MSH5: variants seen among roughly 807,000 people sequenced by gnomAD.
MSH5 encodes the protein mutS homolog 5.
Under a neutral mutation model 107.7 loss-of-function variants are expected in MSH5, and 78 were observed. That is an observed-to-expected ratio of 0.72 (90% CI 0.60 to 0.87). MSH5 has a LOEUF of 0.87. Ranked by LOEUF, MSH5 falls within the 40% of genes least tolerant of loss-of-function variation. The pLI, the probability that MSH5 is intolerant of heterozygous loss-of-function variation, is 0.00. For synonymous variants in MSH5, 326 were observed against 399.5 expected, an observed-to-expected ratio of 0.82 and a Z score of 2.19; for missense variants, 889 against 1,046.6, an observed-to-expected ratio of 0.85 and a Z score of 2.08.
chr6:31,759,144 C>G lies in MSH5; in HGVS notation c.1374C>G (p.Ala458=), dbSNP rs763331112. Residue 458 remains alanine, a synonymous_variant, in exon 16 of 25, where the codon GCC becomes GCG. Transcript: ENST00000375750. This position sits in a 1 kb window ranked among gnomAD's most constrained non-coding sequence, Gnocchi z 4.7. ...SIPRLPSMVE[A]SDFEINGLDF... is the part of the protein sequence containing the mutation. ...CCCGCCTGCCTTCCATGGTAGAGGCCAGTGACTTTGAGATTAATGGACTGG... is the reference window on the plus strand; with the variant it reads ...CCCGCCTGCCTTCCATGGTAGAGGCGAGTGACTTTGAGATTAATGGACTGG... The G allele has an allele frequency of 6.2e-7, 1 of 1,612,948 alleles. No individual in the cohort carries two copies. Among genetic ancestry groups the G allele is most frequent in the Admixed American group, 1.7e-5 (1 of 60,010 alleles).
chr6:31,753,492 C>G (rs1810157395), intron 11 of MSH5, 53 bp downstream of exon 11: 2 of 1,613,268 alleles, frequency 1.2e-6, no homozygotes, highest in African/African-American at 1.3e-5. Flanking sequence ...AGGGCTGATA[C>G]TGGGCAGTGG....
At position 31,762,507 on chromosome 6, in the gene MSH5, G is replaced by A. The variant is rs1341125092; in HGVS notation, c.2481G>A (p.Leu827=). ...DLNVFMSQEV[L]PAATSIL is the part of the protein sequence containing the mutation. ...ACGTTTTCATGAGCCAGGAAGTGCT[G>A]CCTGCTGCCACCAGCATCCTCTGAG... Residue 827 remains leucine (L), a synonymous_variant, in exon 25 of 25, where the codon CTG becomes CTA. Transcript: ENST00000375750. 3.7e-6 allele frequency: 6 copies of A among 1,613,630 alleles called. No individual in the cohort carries two copies. Among genetic ancestry groups the A allele is most frequent in the South Asian group, 3.3e-5 (3 of 91,070 alleles).
intron 10 of MSH5, among the ~76,000 whole-genome samples, chr6:31,752,423 A>G (rs1472545022): frequency 6.7e-6 from 1 of 150,368 alleles, no homozygotes; most frequent in Non-Finnish European, 1.5e-5. Context: ...AAATAAAAAA[A>G]AAGAATAAGA....
At position 31,740,559 on chromosome 6, in the gene MSH5, G is replaced by A. The variant is rs990966651; in HGVS notation, c.93G>A (p.Pro31=). Residue 31 remains proline, a synonymous_variant, in exon 2 of 25, where the codon CCG becomes CCA. Transcript: ENST00000375750. This position sits in a 1 kb window ranked among gnomAD's most constrained non-coding sequence, Gnocchi z 4.4. The part of the protein sequence containing the change: ...SSGFPSPAPV[P]GPREAEEEEV... ...GCTTCCCCAGCCCGGCCCCAGTGCC[G>A]GGCCCCAGGGAGGCCGAGGAGGAGG... is the stretch of plus-strand genomic sequence containing the variant. 2.1e-5 allele frequency: 32 copies of A among 1,520,210 alleles called. No individual in the cohort carries two copies. The highest frequency in any genetic ancestry group is 7.1e-5 in the Admixed American group (3 of 42,086). The allele number at this position is 1,520,210 out of a possible 1,614,324, so 94.2% of individuals were successfully genotyped here.
chr6:31,748,002 C>CA lies in MSH5; in HGVS notation c.812+585dup, dbSNP rs9279406. Among the ~76,000 whole-genome samples, 118 of 141,432 alleles carry CA rather than the reference C, an allele frequency of 8.3e-4. No homozygotes were observed. In the South Asian group the frequency reaches 0.01, roughly 12 times the overall value. The allele number at this position is 141,432 out of a possible 152,430, so 92.8% of individuals were successfully genotyped here. The stretch of plus-strand genomic sequence containing the variant: ...TGGGCAACAGAGTGAGACTCCGTCT[C>CA]AAAAAAAAAAAAAAATGCTAATGTA... On this transcript the variant is annotated intron_variant, in intron 10 of 24. Coordinates refer to ENST00000375750, the MANE Select transcript of MSH5 (RefSeq NM_172166.4).
rs1810745599 is a variant in MSH5 at position 31,759,265 on chromosome 6, A to G, written c.1407+88A>G. ...CGTTACTCTACAGCAGCACTGCCCA[A>G]TATGGGATCTCTCCTCTGTAGTTTT... On this transcript the variant is annotated intron_variant, in intron 16 of 24. Coordinates refer to ENST00000375750, the MANE Select transcript of MSH5 (RefSeq NM_172166.4). The surrounding 1 kb of genome is among the most constrained non-coding windows in gnomAD (Gnocchi z 4.7). 5 of 1,372,586 alleles carry G rather than the reference A, an allele frequency of 3.6e-6. No individual in the cohort carries two copies. Among genetic ancestry groups the G allele is most frequent in the East Asian group, 4.6e-5 (2 of 43,722 alleles). 85.0% of individuals were successfully genotyped at this position (1,372,586 alleles called of 1,614,324 possible).
In MSH5 at chr6:31,758,931, C is replaced by A; in HGVS notation, c.1326+56C>A. On this transcript the variant is annotated intron_variant, in intron 15 of 24. Transcript: ENST00000375750. The surrounding 1 kb of genome is among the most constrained non-coding windows in gnomAD (Gnocchi z 5.1). ...GATGTCTTTTGGGGGAGATATTAGG[C>A]TTATGAAAGACATACTGGTAGATAA... is the stretch of plus-strand genomic sequence containing the variant. 6.6e-7 allele frequency: 1 copy of A among 1,508,338 alleles called. No individual in the cohort carries two copies. Among genetic ancestry groups the A allele is most frequent in the Non-Finnish European group, 9.2e-7 (1 of 1,084,990 alleles). 93.4% of individuals were successfully genotyped at this position (1,508,338 alleles called of 1,614,324 possible). A position where few individuals can be genotyped will look rare whatever the true frequency, so the allele number is the denominator to read the frequency against.
intron 10 of MSH5, among the ~76,000 whole-genome samples, chr6:31,752,783 C>G (rs1810084540): frequency 6.6e-6 from 1 of 151,126 alleles, no homozygotes; most frequent in African/African-American, 2.4e-5. Flanking sequence ...CTCCCCAATC[C>G]TTTTTTCTCT....
rs1400573702 is a variant in MSH5 at position 31,740,381 on chromosome 6, C to T, written c.-13-73C>T. On this transcript the variant is annotated intron_variant, in intron 1 of 24. Transcript: ENST00000375750. The surrounding 1 kb of genome is among the most constrained non-coding windows in gnomAD (Gnocchi z 4.4). ...GCAGAAGTACTTAGTGCTTTGCATTCTGCGCGCCACCCTACCCCGGCCTCC... is the reference window on the plus strand; with the variant it reads ...GCAGAAGTACTTAGTGCTTTGCATTTTGCGCGCCACCCTACCCCGGCCTCC... 10 of 1,485,938 alleles carry T rather than the reference C, an allele frequency of 6.7e-6. No individual in the cohort carries two copies. Among genetic ancestry groups the T allele is most frequent in the East Asian group, 2.5e-5 (1 of 39,328 alleles). The allele number at this position is 1,485,938 out of a possible 1,614,324, so 92.0% of individuals were successfully genotyped here. A position where few individuals can be genotyped will look rare whatever the true frequency, so the allele number is the denominator to read the frequency against.
rs528317840 is a variant in MSH5 at position 31,750,970 on chromosome 6, A to G, written c.813-2331A>G. 3.9e-5 allele frequency among the ~76,000 whole-genome samples: 6 copies of G among 152,294 alleles called. No individual in the cohort carries two copies. In the Middle Eastern group the frequency reaches 0.01, roughly 259 times the overall value. On this transcript the variant is annotated intron_variant, in intron 10 of 24. Transcript: ENST00000375750. ...GATACCCGGAATTAGACAAACACAG[A>G]TGAGACATTTATTTCTGTATATGAA...
Position 31,744,590 on chromosome 6 carries a change from G to A in MSH5, c.683+9G>A, listed in dbSNP as rs754260774. ...GATCAAGACACTTACAGGTAAAGAG[G>A]TGGAGGCATGCTGCTGTCTCTGGGG... On this transcript the variant is annotated intron_variant, in intron 8 of 24. Coordinates refer to ENST00000375750, the MANE Select transcript of MSH5 (RefSeq NM_172166.4). The A allele has an allele frequency of 8.1e-6, 13 of 1,613,036 alleles. No individual in the cohort carries two copies. The highest frequency in any genetic ancestry group is 1.0e-5 in the Non-Finnish European group (12 of 1,180,000).
chr6:31,746,107 T>TGTGTGTGTGTGTGTGTGTGTGTGTGTGA (rs1371223486), intron 9 of MSH5: 1 of 152,158 alleles, frequency 6.6e-6, no homozygotes, highest in Non-Finnish European at 1.4e-5. Flanking sequence ...TGTGTGTGTG[T>TGTGTGTGTGTGTGTGTGTGTGTGTGTGA]GTGTGTGAGA....
chr6:31,759,931 G>A lies in MSH5; in HGVS notation c.1641G>A (p.Pro547=), dbSNP rs775491891. Residue 547 remains proline (P), a synonymous_variant, in exon 18 of 25, where the codon CCG becomes CCA. Transcript: ENST00000375750. The surrounding 1 kb of genome is among the most constrained non-coding windows in gnomAD (Gnocchi z 4.7). The part of the protein sequence containing the change: ...SAARDYGYSR[P]RYSPQVLGVR... ...CCCGGGACTATGGCTACTCAAGGCCGCGTTACTCCCCACAAGTCCTTGGGG... is the reference window on the plus strand; with the variant it reads ...CCCGGGACTATGGCTACTCAAGGCCACGTTACTCCCCACAAGTCCTTGGGG... 1.5e-5 allele frequency: 25 copies of A among 1,614,084 alleles called. No individual in the cohort carries two copies. Among genetic ancestry groups the A allele is most frequent in the African/African-American group, 9.3e-5 (7 of 74,930 alleles).
At position 31,760,631 on chromosome 6, in the gene MSH5, C is replaced by T; in HGVS notation, c.1813-59C>T. On this transcript the variant is annotated intron_variant, in intron 19 of 24. Coordinates refer to ENST00000375750, the MANE Select transcript of MSH5 (RefSeq NM_172166.4). The surrounding 1 kb of genome is among the most constrained non-coding windows in gnomAD (Gnocchi z 5.6). ...TTGATGTGCCATTCATGCCTTGAGC[C>T]TCACTTTCACCTCAGCCCACGGCAC... 1 of 1,606,634 alleles carries T rather than the reference C, an allele frequency of 6.2e-7. No homozygotes were observed. The highest frequency in any genetic ancestry group is 1.1e-5 in the South Asian group (1 of 90,928).
rs1583903678 is a variant in MSH5 at position 31,743,582 on chromosome 6, A to G, written c.416-322A>G. ...AACAGGAGTGTACTATCCTAATTAG[A>G]TATTAAGGCATTAGTGTTACTAGTT... On this transcript the variant is annotated intron_variant, in intron 5 of 24. Coordinates refer to ENST00000375750, the MANE Select transcript of MSH5 (RefSeq NM_172166.4). 6.6e-6 allele frequency: 3 copies of G among 454,462 alleles called. No homozygotes were observed. In the East Asian group the frequency reaches 1.2e-4, roughly 18 times the overall value. The allele number at this position is 454,462 out of a possible 1,614,324, so 28.2% of individuals were successfully genotyped here.
chr6:31,744,152 T>G, intron 6 of MSH5, 38 bp from the exon 7 acceptor site: 1 of 1,597,062 alleles, frequency 6.3e-7, no homozygotes, highest in Non-Finnish European at 8.5e-7. Flanking sequence ...CCAGGAGATT[T>G]AAGATTTACC....
In MSH5 at chr6:31,761,671, T is replaced by G; in HGVS notation, c.2181+56T>G. ...CCCCAGGCTGGGCATTTCCCAGAGG[T>G]GGGGATTGGCTCCTCTATCAGAACA... On this transcript the variant is annotated intron_variant, in intron 22 of 24. Coordinates refer to ENST00000375750, the MANE Select transcript of MSH5 (RefSeq NM_172166.4). This position sits in a 1 kb window ranked among gnomAD's most constrained non-coding sequence, Gnocchi z 5.3. The G allele has an allele frequency of 6.2e-7, 1 of 1,613,362 alleles. No individual in the cohort carries two copies.
In MSH5 at chr6:31,760,266, C is replaced by G; in HGVS notation, c.1812+50C>G. ...GCCTCTGGCGTCTCCTGCATCTACT[C>G]CACCCCTACTTGCCAGCCAACTCAG... On this transcript the variant is annotated intron_variant, in intron 19 of 24. Coordinates refer to ENST00000375750, the MANE Select transcript of MSH5 (RefSeq NM_172166.4). This position sits in a 1 kb window ranked among gnomAD's most constrained non-coding sequence, Gnocchi z 5.6. The G allele has an allele frequency of 1.3e-6, 2 of 1,525,476 alleles. No homozygotes were observed. Among genetic ancestry groups the G allele is most frequent in the Non-Finnish European group, 1.8e-6 (2 of 1,140,270 alleles). 94.5% of individuals were successfully genotyped at this position (1,525,476 alleles called of 1,614,324 possible). A position where few individuals can be genotyped will look rare whatever the true frequency, so the allele number is the denominator to read the frequency against.
At chr6:31,743,517 C>G (rs1809107860) in intron 5 of MSH5, 1 of 452,090 alleles carries the variant, frequency 2.2e-6, no homozygotes, top group Admixed American at 3.9e-5. Context: ...TTATTATGAT[C>G]CATAAGGCAC....
Sources: allele counts gnomAD v4.1 joint callset (sites outside exome capture counted in the v4.1 genomes callset), GRCh38; gene constraint gnomAD v4.1.1; non-coding constraint Gnocchi (gnomAD v3.1); transcripts MANE v1.5; gene names NCBI Gene and HGNC (gene_info 2026-07-23, HGNC 2026-07-21).